CLDN2: variants seen among roughly 807,000 people sequenced by gnomAD.
The protein encoded by CLDN2 is claudin 2.
Under a neutral mutation model 8.2 loss-of-function variants are expected in CLDN2, and 1 was observed. The ratio of observed to expected loss-of-function variants is 0.12; its 90% CI spans 0.04 to 0.58. The LOEUF (loss-of-function observed/expected upper bound fraction) is 0.58. Among genes scored for constraint, CLDN2 ranks in the 20% least tolerant of loss-of-function variants. The probability of loss-of-function intolerance (pLI) is 0.90; values close to 1 mark genes in which losing one functional copy is unlikely to be tolerated. For synonymous variants in CLDN2, 70 were observed against 70.2 expected (o/e 1.00, Z 0.01); for missense variants, 108 against 172.9 (o/e 0.62, Z 2.11).
In CLDN2 at chrX:106,900,897, G is replaced by A. The variant is rs775667071; in HGVS notation, c.-179+393G>A. The A allele has an allele frequency of 1.5e-5, 18 of 1,210,211 alleles. No individual in the cohort carries two copies. The highest frequency in any genetic ancestry group is 1.9e-5 in the Non-Finnish European group (17 of 894,717). ...CAGATAGTCGAAGGAGCGGGATTTA[G>A]GCCAGAAGAGCCTGTGGACAGAGAA... is the stretch of plus-strand genomic sequence containing the variant. On this transcript the variant is annotated intron_variant, in intron 1 of 1. Transcript: ENST00000541806.
At chrX:106,915,154 C>A (rs1933296453), upstream of CLDN2, among the ~76,000 whole-genome samples, 1 of 112,451 alleles carries the variant, frequency 8.9e-6, no homozygotes, top group Non-Finnish European at 1.9e-5. Flanking sequence ...CAGCATAATA[C>A]ATTTGAGCTT....
Position 106,928,327 on chromosome X carries a change from T to G in CLDN2, c.99T>G (p.Ser33Arg). The change falls in exon 2 of 2, where the codon AGT (serine) becomes AGG (arginine). Residue 33 changes from serine to arginine, a missense_variant. Transcript: ENST00000336803. ...TGCTGCTCCCCAGCTGGAAAACAAG[T>G]TCTTATGTCGGTGCCAGCATTGTGA... is the stretch of plus-strand genomic sequence containing the variant. The part of the protein sequence containing the change: ...VAMLLPSWKT[S>R]SYVGASIVTA... 1 of 1,211,701 alleles carries G rather than the reference T, an allele frequency of 8.3e-7. No individual in the cohort carries two copies.
In CLDN2 at chrX:106,928,639, C is replaced by T; in HGVS notation, c.411C>T (p.Ala137=). Residue 137 remains alanine, a synonymous_variant, in exon 2 of 2, where the codon GCC becomes GCT. Coordinates refer to ENST00000336803, the MANE Select transcript of CLDN2 (RefSeq NM_020384.4). ...GCCTCCTGGGATTCATTCCTGTTGC[C>T]TGGAATCTTCATGGGATCCTACGGG... ...LGGLLGFIPV[A]WNLHGILRDF... is the part of the protein sequence containing the mutation. The T allele has an allele frequency of 8.3e-7, 1 of 1,211,914 alleles. No homozygotes were observed. Among genetic ancestry groups the T allele is most frequent in the Non-Finnish European group, 1.1e-6 (1 of 895,537 alleles).
At chrX:106,902,549 G>A (rs1933118794) in intron 1 of CLDN2, among the ~76,000 whole-genome samples, 1 of 111,734 alleles carries the variant, frequency 8.9e-6, no homozygotes, top group African/African-American at 3.3e-5. Context: ...AAGACTAAAT[G>A]TTTGGAGTAA....
chrX:106,907,671 A>G (rs1490400259), intron 1 of CLDN2, among the ~76,000 whole-genome samples: 1 of 108,242 alleles, frequency 9.2e-6, no homozygotes, highest in Non-Finnish European at 1.9e-5. Context: ...ACTGCACTCC[A>G]GCCTGGAAAA....
intron 1 of CLDN2, among the ~76,000 whole-genome samples, chrX:106,905,290 C>T (rs76106514): frequency 9.1e-4 from 102 of 111,689 alleles, no homozygotes; most frequent in East Asian, 4.3e-3. Context: ...GGCACGGTCC[C>T]GGCCCTCAAT....
At chrX:106,912,808 C>G (rs1214980386) in intron 1 of CLDN2, among the ~76,000 whole-genome samples, 1 of 111,212 alleles carries the variant, frequency 9.0e-6, no homozygotes, top group African/African-American at 3.3e-5. Context: ...TCAAGGAAAA[C>G]AACTGTTACT....
chrX:106,904,025 G>A (rs1933146898), intron 1 of CLDN2, among the ~76,000 whole-genome samples: 1 of 112,442 alleles, frequency 8.9e-6, no homozygotes, highest in Non-Finnish European at 1.9e-5. Flanking sequence ...GGGCCTCTGG[G>A]TGAGATTCCA....
chrX:106,907,670 C>A (rs1221237526), intron 1 of CLDN2, among the ~76,000 whole-genome samples: 1 of 107,981 alleles, frequency 9.3e-6, no homozygotes, highest in Non-Finnish European at 1.9e-5. Context: ...CACTGCACTC[C>A]AGCCTGGAAA....
chrX:106,916,785 C>T (rs1277652297), upstream of CLDN2, among the ~76,000 whole-genome samples: 3 of 111,820 alleles, frequency 2.7e-5, no homozygotes, highest in Non-Finnish European at 5.6e-5. Context: ...TAGTGGCTCA[C>T]ACCTGTAATC....
At chrX:106,912,906 C>T (rs747577478) in intron 1 of CLDN2, among the ~76,000 whole-genome samples, 1 of 111,330 alleles carries the variant, frequency 9.0e-6, no homozygotes, top group South Asian at 3.8e-4. Context: ...TTGAGAGCTT[C>T]TCAATATCCT....
At chrX:106,926,825 AC>A (rs777345149) in intron 1 of CLDN2, among the ~76,000 whole-genome samples, 5 of 67,301 alleles carry the variant, frequency 7.4e-5, no homozygotes, top group Non-Finnish European at 8.2e-5. Flanking sequence ...ACACACACAC[AC>A]AACTAGCCAG....
intron 1 of CLDN2, among the ~76,000 whole-genome samples, chrX:106,907,804 T>TAGGAACATAA (rs1371406639): frequency 1.5e-4 from 17 of 110,880 alleles, no homozygotes; most frequent in Non-Finnish European, 3.2e-4. Flanking sequence ...TAGTAAAATG[T>TAGGAACATAA]TCTTTGAAAT....
upstream of CLDN2, among the ~76,000 whole-genome samples, chrX:106,916,398 G>A (rs982796628): frequency 2.7e-5 from 3 of 111,116 alleles, no homozygotes; most frequent in Non-Finnish European, 5.7e-5. Context: ...GAAGCCAGTC[G>A]GGAGAGTGGG....
At position 106,922,452 on chromosome X, in the gene CLDN2, C is replaced by A. The variant is rs1458902323; in HGVS notation, c.-179+1901C>A. Among the ~76,000 whole-genome samples the A allele has an allele frequency of 3.6e-5, 4 of 112,380 alleles. No individual in the cohort carries two copies. In the East Asian group the frequency reaches 1.1e-3, roughly 32 times the overall value. The stretch of plus-strand genomic sequence containing the variant: ...ACAGGCTCTGGGGAGAGGCTTTCCT[C>A]TTGGGGACACTGTTGATTCCCTTGG... On this transcript the variant is annotated intron_variant, in intron 1 of 1. Coordinates refer to ENST00000336803, the MANE Select transcript of CLDN2 (RefSeq NM_020384.4).
chrX:106,917,693 AC>A (rs200402479), upstream of CLDN2, among the ~76,000 whole-genome samples: 3,034 of 109,817 alleles, frequency 0.028, 119 homozygotes, highest in African/African-American at 0.096. Context: ...TTCCTCAAAG[AC>A]CCTTTTTCTC....
At chrX:106,919,143 C>T (rs1210251368), upstream of CLDN2, among the ~76,000 whole-genome samples, 4 of 111,719 alleles carry the variant, frequency 3.6e-5, no homozygotes, top group African/African-American at 6.5e-5. Flanking sequence ...AATAGGTCCA[C>T]GATATGTTAT....
chrX:106,913,451 CA>C (rs1933271146), upstream of CLDN2, among the ~76,000 whole-genome samples: 1 of 112,282 alleles, frequency 8.9e-6, no homozygotes, highest in African/African-American at 3.2e-5. Context: ...GGTTTAGTTT[CA>C]GATTCAACAT....
intron 1 of CLDN2, among the ~76,000 whole-genome samples, chrX:106,912,510 C>T (rs1387436596): frequency 1.9e-5 from 2 of 105,121 alleles, no homozygotes; most frequent in African/African-American, 7.1e-5. Flanking sequence ...ATCTCTCAGC[C>T]TCAAGCGATC....
Sources: gnomAD v4.1 joint callset for allele counts (sites outside exome capture counted in the v4.1 genomes callset) on GRCh38, gnomAD v4.1.1 for gene constraint, MANE v1.5 for transcripts, NCBI Gene and HGNC (gene_info 2026-07-23, HGNC 2026-07-21) for gene names.